The following PPM1K variants were observed in gnomAD, a reference collection of about 807,000 sequenced individuals.
The protein encoded by PPM1K is protein phosphatase Mn(2+)-dependent 1K.
PPM1K carries 19 observed loss-of-function variants against 32.6 expected under a neutral mutation model. The observed-to-expected ratio is 0.58, with a 90% CI of 0.41 to 0.86. PPM1K has a LOEUF of 0.86. PPM1K is among the 40% of genes least tolerant of loss of function. The pLI, the probability that PPM1K is intolerant of heterozygous loss-of-function variation, is 0.00. For missense variants in PPM1K, 362 were observed against 461.2 expected (o/e 0.78, Z 1.97); for synonymous variants, 159 against 165.3 (o/e 0.96, Z 0.29).
At chr4:88,284,161 C>T (rs980246207) in intron 1 of PPM1K, 2 of 151,946 alleles carry the variant, frequency 1.3e-5, no homozygotes, top group Non-Finnish European at 2.9e-5. Context: ...GCAGGCAGCC[C>T]AGCTGGGCCC....
intron 1 of PPM1K, chr4:88,279,091 G>A (rs1472899109): frequency 6.4e-6 from 1 of 156,138 alleles, no homozygotes; most frequent in African/African-American, 2.4e-5. Flanking sequence ...CTAGTAGCAA[G>A]AACACAGAAT....
At chr4:88,266,448 T>C (rs535787484) in intron 5 of PPM1K, among the ~76,000 whole-genome samples, 472 of 111,758 alleles carry the variant, frequency 4.2e-3, no homozygotes, top group African/African-American at 0.015. Flanking sequence ...GGTGCAGGTG[T>C]TGCTGGCTGA....
At chr4:88,273,352 T>C (rs1286577067) in intron 3 of PPM1K, among the ~76,000 whole-genome samples, 1 of 152,214 alleles carries the variant, frequency 6.6e-6, no homozygotes, top group Non-Finnish European at 1.5e-5. Flanking sequence ...GCTGGAAGCT[T>C]GCACAGGTGA....
rs759362568 is a variant in PPM1K, at chr4:88,262,680, G to A, written c.1034C>T (p.Pro345Leu). ...CTTATATTTTCCCCAGGCACCAAAA[G>A]GCACTACTACTGCAGTACTGTTATC... ...TEDNSTAVVVPFGAWGKYKNS... is the reference protein window; with the variant it reads ...TEDNSTAVVVLFGAWGKYKNS... The change falls in exon 7 of 7, where the codon CCT becomes CTT. Residue 345 changes from proline to leucine, a missense_variant. By Grantham distance (98) the Pro-to-Leu change is moderately conservative. Coordinates refer to ENST00000608933, the MANE Select transcript of PPM1K (RefSeq NM_152542.5). 4.3e-6 allele frequency: 7 copies of A among 1,613,906 alleles called. No individual in the cohort carries two copies. The highest frequency in any genetic ancestry group is 5.9e-6 in the Non-Finnish European group (7 of 1,180,000).
At chr4:88,283,753 C>G (rs1204129884) in intron 1 of PPM1K, 1 of 152,504 alleles carries the variant, frequency 6.6e-6, no homozygotes, top group Non-Finnish European at 1.5e-5. Flanking sequence ...CTTCACGATG[C>G]CGGACCTCCT....
intron 1 of PPM1K, among the ~76,000 whole-genome samples, chr4:88,280,353 A>T (rs1479826039): frequency 6.6e-6 from 1 of 152,276 alleles, no homozygotes; most frequent in East Asian, 1.9e-4. Context: ...TTAGGAAGTC[A>T]TCCCTTCTTG....
chr4:88,278,816 T>G lies in PPM1K; in HGVS notation c.-59-174A>C, dbSNP rs1343129781. 1 of 496,970 alleles carries G rather than the reference T, an allele frequency of 2.0e-6. No homozygotes were observed. Among genetic ancestry groups the G allele is most frequent in the African/African-American group, 1.9e-5 (1 of 51,820 alleles). 30.8% of individuals were successfully genotyped at this position (496,970 alleles called of 1,614,324 possible). A position where few individuals can be genotyped will look rare whatever the true frequency, so the allele number is the denominator to read the frequency against. On this transcript the variant is annotated intron_variant, in intron 1 of 6. Transcript: ENST00000608933. The surrounding 1 kb of genome is among the most constrained non-coding windows in gnomAD (Gnocchi z 4.2). ...ATTTGACAGAAAATACATATATTTA[T>G]GTTATATATTGGGTAGGCATCCAGT...
intron 5 of PPM1K, among the ~76,000 whole-genome samples, chr4:88,266,821 T>C (rs1360222387): frequency 8.7e-5 from 13 of 150,274 alleles, no homozygotes; most frequent in African/African-American, 3.0e-4. Flanking sequence ...TGATGCTAGA[T>C]GACTGGGTGC....
At position 88,277,250 on chromosome 4, in the gene PPM1K, G is replaced by A. The variant is rs1731812460; in HGVS notation, c.441-7C>T. 1.3e-6 allele frequency: 2 copies of A among 1,596,274 alleles called. No individual in the cohort carries two copies. Among genetic ancestry groups the A allele is most frequent in the South Asian group, 1.1e-5 (1 of 90,578 alleles). On this transcript the variant is annotated splice_region_variant and splice_polypyrimidine_tract_variant and intron_variant, in intron 2 of 6. Transcript: ENST00000608933. ...CTCCTTAGGAAGCAAATCCCTTTGT[G>A]GGGAGGAAAAAAAGAGCCTTAAACA...
At chr4:88,275,319 T>C in intron 3 of PPM1K, 1 of 954,012 alleles carries the variant, frequency 1.0e-6, no homozygotes, top group Non-Finnish European at 1.2e-6. Flanking sequence ...ATGAATTACA[T>C]TTTTGTGATT....
At position 88,277,253 on chromosome 4, in the gene PPM1K, G is replaced by C; in HGVS notation, c.441-10C>G. On this transcript the variant is annotated splice_polypyrimidine_tract_variant and intron_variant, in intron 2 of 6. Transcript: ENST00000608933. The stretch of plus-strand genomic sequence containing the variant: ...CTTAGGAAGCAAATCCCTTTGTGGG[G>C]AGGAAAAAAAGAGCCTTAAACAATC... The C allele has an allele frequency of 6.3e-7, 1 of 1,589,190 alleles. No homozygotes were observed. Among genetic ancestry groups the C allele is most frequent in the Non-Finnish European group, 8.6e-7 (1 of 1,159,116 alleles).
At chr4:88,280,894 A>T (rs1000881729) in intron 1 of PPM1K, among the ~76,000 whole-genome samples, 1 of 152,196 alleles carries the variant, frequency 6.6e-6, no homozygotes, top group Admixed American at 6.5e-5. Context: ...AACACATTCC[A>T]TTGCAAGAGA....
At chr4:88,263,916 C>T (rs1731216340) in intron 6 of PPM1K, among the ~76,000 whole-genome samples, 1 of 152,094 alleles carries the variant, frequency 6.6e-6, no homozygotes, top group South Asian at 2.1e-4. Context: ...TACTGGGCTT[C>T]CTCTATAGAA....
At chr4:88,266,105 C>T (rs555279664) in intron 5 of PPM1K, among the ~76,000 whole-genome samples, 9 of 152,152 alleles carry the variant, frequency 5.9e-5, no homozygotes, top group Non-Finnish European at 1.0e-4. Context: ...CTATAACACA[C>T]GATGTGGGAT....
At chr4:88,266,702 A>AGCTGATTGGGTGCAGGTGAT (rs1354035060) in intron 5 of PPM1K, among the ~76,000 whole-genome samples, 6 of 47,442 alleles carry the variant, frequency 1.3e-4, no homozygotes, top group Non-Finnish European at 1.6e-4. Flanking sequence ...TGCAGGTGTT[A>AGCTGATTGGGTGCAGGTGAT]GCTGATTGGG....
chr4:88,277,114 G>A, intron 3 of PPM1K, 29 bp downstream of exon 3: 1 of 1,548,000 alleles, frequency 6.5e-7, no homozygotes, highest in Non-Finnish European at 8.9e-7. Flanking sequence ...TACTCCCTAG[G>A]ATCCAAGGAA....
At chr4:88,266,418 G>C (rs1236661293) in intron 5 of PPM1K, among the ~76,000 whole-genome samples, 1 of 151,816 alleles carries the variant, frequency 6.6e-6, no homozygotes, top group Non-Finnish European at 1.5e-5. Context: ...TGATTGATTG[G>C]GTGCAGGTGA....
chr4:88,275,289 T>C, intron 3 of PPM1K: 3 of 879,926 alleles, frequency 3.4e-6, no homozygotes, highest in Non-Finnish European at 4.1e-6. Flanking sequence ...TTTTAGTGTA[T>C]GTGCTGCTGA....
intron 3 of PPM1K, among the ~76,000 whole-genome samples, chr4:88,272,651 A>T (rs925531862): frequency 6.6e-6 from 1 of 152,198 alleles, no homozygotes; most frequent in African/African-American, 2.4e-5. Flanking sequence ...TAAATTGAAT[A>T]AAAAAATTAA....
Sources: gnomAD v4.1 joint callset for allele counts (sites outside exome capture counted in the v4.1 genomes callset) on GRCh38, gnomAD v4.1.1 for gene constraint, Gnocchi (gnomAD v3.1) non-coding constraint, MANE v1.5 for transcripts, NCBI Gene and HGNC (gene_info 2026-07-23, HGNC 2026-07-21) for gene names.